The following MAP3K5 variants were observed in gnomAD, a reference collection of about 807,000 sequenced individuals.
MAP3K5 encodes the protein ASK-1.
Under a neutral mutation model 158.7 loss-of-function variants are expected in MAP3K5, and 56 were observed. The observed-to-expected ratio is 0.35, with a 90% CI of 0.28 to 0.44. The LOEUF (loss-of-function observed/expected upper bound fraction) is 0.44. Ranked by LOEUF, MAP3K5 falls within the 20% of genes least tolerant of loss-of-function variation. MAP3K5 has a pLI of 1.00. For missense variants in MAP3K5, 1,294 were observed against 1,674.8 expected (o/e 0.77, Z 3.97); for synonymous variants, 579 against 601.7 (o/e 0.96, Z 0.55).
At chr6:136,703,805 A>G (rs1780954712) in intron 3 of MAP3K5, among the ~76,000 whole-genome samples, 2 of 152,256 alleles carry the variant, frequency 1.3e-5, no homozygotes, top group South Asian at 4.1e-4. Flanking sequence ...ACTATAAAAA[A>G]AGGCTTAAAA....
chr6:136,650,643 T>C (rs1394821256), intron 11 of MAP3K5, among the ~76,000 whole-genome samples: 1 of 152,232 alleles, frequency 6.6e-6, no homozygotes, highest in Admixed American at 6.5e-5. Flanking sequence ...AATTAACATA[T>C]GCATCTTTTA....
At chr6:136,579,488 T>A (rs1032717435) in intron 25 of MAP3K5, among the ~76,000 whole-genome samples, 3 of 152,196 alleles carry the variant, frequency 2.0e-5, no homozygotes, top group Non-Finnish European at 1.5e-5. Flanking sequence ...AAAATCAAGT[T>A]CTTACAGATG....
chr6:136,597,312 C>T lies in MAP3K5; in HGVS notation c.2878+3710G>A, dbSNP rs368780467. ...TCCCATCTATGGAAGGGAGACAGTG[C>T]GACCTTTAAGGAATTAGATACATTC... is the stretch of plus-strand genomic sequence containing the variant. On this transcript the variant is annotated intron_variant, in intron 21 of 29. Transcript: ENST00000359015. Among the ~76,000 whole-genome samples the T allele has an allele frequency of 1.5e-4, 23 of 152,290 alleles. No homozygotes were observed. In the East Asian group the frequency reaches 3.1e-3, roughly 20 times the overall value.
chr6:136,598,706 C>G (rs1291834399), intron 21 of MAP3K5, among the ~76,000 whole-genome samples: 1 of 152,072 alleles, frequency 6.6e-6, no homozygotes. Flanking sequence ...GGTAGAGAAC[C>G]TTGAGAGGTG....
At chr6:136,687,650 G>C (rs574704728) in intron 7 of MAP3K5, among the ~76,000 whole-genome samples, 2 of 152,036 alleles carry the variant, frequency 1.3e-5, no homozygotes, top group Non-Finnish European at 2.9e-5. Context: ...ACATTTATGC[G>C]GCCAACAAAC....
chr6:136,676,106 ATTC>A (rs1380133089), intron 7 of MAP3K5, among the ~76,000 whole-genome samples: 1 of 152,230 alleles, frequency 6.6e-6, no homozygotes, highest in Non-Finnish European at 1.5e-5. Context: ...ATAATCTGAA[ATTC>A]TTCTTTTTGT....
intron 18 of MAP3K5, among the ~76,000 whole-genome samples, chr6:136,607,533 C>A (rs1422282378): frequency 3.3e-5 from 5 of 152,146 alleles, no homozygotes; most frequent in Non-Finnish European, 7.4e-5. Context: ...AGATGAGAGC[C>A]AACCTGAACA....
intron 1 of MAP3K5, among the ~76,000 whole-genome samples, chr6:136,722,183 T>C (rs972533935): frequency 6.6e-6 from 1 of 152,180 alleles, no homozygotes; most frequent in Non-Finnish European, 1.5e-5. Flanking sequence ...TTAGAAGTAA[T>C]AATACAATTT....
At chr6:136,671,379 C>T (rs1383597694) in intron 7 of MAP3K5, among the ~76,000 whole-genome samples, 1 of 152,148 alleles carries the variant, frequency 6.6e-6, no homozygotes, top group African/African-American at 2.4e-5. Flanking sequence ...TAATAATTCA[C>T]ATTTTTCTTG....
At chr6:136,562,449 C>CT in intron 27 of MAP3K5, 54 bp downstream of exon 27, 1 of 900,176 alleles carries the variant, frequency 1.1e-6, no homozygotes, top group Non-Finnish European at 1.6e-6. Flanking sequence ...GCTTTCTTGG[C>CT]TTTTTGTGGC....
At chr6:136,570,361 C>T (rs1774307521) in intron 25 of MAP3K5, among the ~76,000 whole-genome samples, 1 of 152,146 alleles carries the variant, frequency 6.6e-6, no homozygotes, top group Non-Finnish European at 1.5e-5. Context: ...ACCTGGGATT[C>T]TATCCTTCAC....
chr6:136,683,160 C>T (rs1336083652), intron 7 of MAP3K5, among the ~76,000 whole-genome samples: 1 of 152,212 alleles, frequency 6.6e-6, no homozygotes, highest in African/African-American at 2.4e-5. Flanking sequence ...ATTTAATCCT[C>T]ACAACAAAGC....
chr6:136,646,378 G>A (rs1411537539), intron 11 of MAP3K5, among the ~76,000 whole-genome samples: 1 of 152,108 alleles, frequency 6.6e-6, no homozygotes, highest in Admixed American at 6.5e-5. Flanking sequence ...TTGTCTCTAT[G>A]ATTGTCACAA....
At chr6:136,648,505 G>A (rs556299315) in intron 11 of MAP3K5, among the ~76,000 whole-genome samples, 3 of 152,288 alleles carry the variant, frequency 2.0e-5, no homozygotes, top group South Asian at 2.1e-4. Flanking sequence ...TTGAGAGCAT[G>A]AGAATGGATG....
intron 1 of MAP3K5, among the ~76,000 whole-genome samples, chr6:136,772,107 G>A (rs1378992972): frequency 1.4e-5 from 2 of 144,000 alleles, no homozygotes; most frequent in African/African-American, 2.5e-5. Flanking sequence ...ATGGGGGGGG[G>A]GGGTTTACCA....
At chr6:136,634,774 C>G (rs543905441) in intron 14 of MAP3K5, among the ~76,000 whole-genome samples, 28 of 151,994 alleles carry the variant, frequency 1.8e-4, no homozygotes, top group Non-Finnish European at 3.7e-4. Flanking sequence ...ACCATGTTGG[C>G]CAGGCTGGTT....
chr6:136,615,770 G>C (rs925714105), intron 15 of MAP3K5, among the ~76,000 whole-genome samples: 7 of 152,102 alleles, frequency 4.6e-5, no homozygotes, highest in African/African-American at 1.7e-4. Context: ...CTACAGGTGT[G>C]AAATACACTA....
At chr6:136,751,592 A>G (rs1420976021) in intron 1 of MAP3K5, among the ~76,000 whole-genome samples, 2 of 152,192 alleles carry the variant, frequency 1.3e-5, no homozygotes, top group Non-Finnish European at 2.9e-5. Context: ...CATCCCACTC[A>G]ACAATCAGGC....
At chr6:136,605,494 C>T (rs1485505441) in intron 18 of MAP3K5, 128 bp from the exon 19 acceptor site, 21 of 743,488 alleles carry the variant, frequency 2.8e-5, no homozygotes, top group Middle Eastern at 3.6e-4. Flanking sequence ...GTCCTAATAT[C>T]GTTTGTGAGT....
Sources: gnomAD v4.1 joint callset for allele counts (sites outside exome capture counted in the v4.1 genomes callset) on GRCh38, gnomAD v4.1.1 for gene constraint, MANE v1.5 for transcripts, NCBI Gene and HGNC (gene_info 2026-07-23, HGNC 2026-07-21) for gene names.